The following ZNF85 variants were observed in gnomAD, a reference collection of about 807,000 sequenced individuals.
ZNF85 encodes the protein zinc finger protein 85 (HPF4, HTF1).
A neutral mutation model predicts 53.9 loss-of-function variants in ZNF85; 50 were observed. The observed-to-expected ratio is 0.93, with a 90% CI of 0.74 to 1.17. ZNF85 has a LOEUF of 1.17. Among genes scored for constraint, ZNF85 ranks in the 50% most tolerant of loss-of-function variants. The pLI is 0.00. For synonymous variants in ZNF85, 225 were observed against 226.1 expected (o/e 1.00, Z 0.04); for missense variants, 747 against 688.5 (o/e 1.08, Z -0.95).
At chr19:20,930,492 A>G (rs1176762426) in intron 1 of ZNF85, among the ~76,000 whole-genome samples, 1 of 152,252 alleles carries the variant, frequency 6.6e-6, no homozygotes, top group Non-Finnish European at 1.5e-5. Context: ...AAACAAGAAG[A>G]AATGGAAAGG....
chr19:20,950,135 G>C lies in ZNF85; in HGVS notation c.1621G>C (p.Glu541Gln), dbSNP rs529202278. The change falls in exon 4 of 4, where the codon GAA becomes CAA. Residue 541 changes from glutamate (E) to glutamine (Q), a missense_variant. By Grantham distance (29) the Glu-to-Gln change is conservative. Transcript: ENST00000328178. ...IHTGEKPYTC[E>Q]ECGKAFNQSS... ...TACTGGAGAGAAACCCTACACATGT[G>C]AAGAATGTGGCAAAGCCTTTAACCA... is the stretch of plus-strand genomic sequence containing the variant. 1 of 1,613,592 alleles carries C rather than the reference G, an allele frequency of 6.2e-7. No homozygotes were observed. The highest frequency in any genetic ancestry group is 8.5e-7 in the Non-Finnish European group (1 of 1,179,834).
At chr19:20,925,783 T>C (rs531407953) in intron 1 of ZNF85, among the ~76,000 whole-genome samples, 7 of 152,216 alleles carry the variant, frequency 4.6e-5, no homozygotes, top group Non-Finnish European at 1.0e-4. Flanking sequence ...GACACATCTC[T>C]TTTCTAATCA....
Position 20,949,529 on chromosome 19 carries a change from G to A in ZNF85, c.1015G>A (p.Glu339Lys), listed in dbSNP as rs372445769. Residue 339 changes from glutamate to lysine, a missense_variant, in exon 4 of 4, where the codon GAG becomes AAG. Physicochemically the swap from Glu to Lys is moderately conservative, Grantham distance 56. Coordinates refer to ENST00000328178, the MANE Select transcript of ZNF85 (RefSeq NM_003429.5). Reference sequence around the variant, plus strand: ...TACACATAAGATAATTCATACTGGAGAGAAACCCTACAAATGTAAAAAATG... The same window carrying A: ...TACACATAAGATAATTCATACTGGAAAGAAACCCTACAAATGTAAAAAATG... Reference protein sequence around the residue: ...LTTHKIIHTGEKPYKCKKCGK... With the variant: ...LTTHKIIHTGKKPYKCKKCGK... 3 of 1,613,308 alleles carry A rather than the reference G, an allele frequency of 1.9e-6. No individual in the cohort carries two copies.
intron 1 of ZNF85, among the ~76,000 whole-genome samples, chr19:20,933,679 T>G (rs1973081104): frequency 6.6e-6 from 1 of 152,152 alleles, no homozygotes; most frequent in Non-Finnish European, 1.5e-5. Flanking sequence ...CACAACTCAT[T>G]CTGTAGAATG....
At chr19:20,937,148 C>A in intron 3 of ZNF85, 1 of 305,962 alleles carries the variant, frequency 3.3e-6, no homozygotes, top group Non-Finnish European at 6.6e-6. Flanking sequence ...TCCCCTGCCT[C>A]AGCCTCCCAA....
In ZNF85 at chr19:20,949,426, T is replaced by C. The variant is rs770838901; in HGVS notation, c.912T>C (p.His304=). ...ACCGATCTTCAACCCTTACTACCCA[T>C]AGAAAAATTCATACTGGAGAGAAAC... The part of the protein sequence containing the change: ...AFNRSSTLTT[H]RKIHTGEKPY... Residue 304 remains histidine, a synonymous_variant, in exon 4 of 4, where the codon CAT becomes CAC. Transcript: ENST00000328178. The C allele has an allele frequency of 1.3e-5, 21 of 1,609,348 alleles. No homozygotes were observed. The East Asian group carries it at 3.8e-4, about 29-fold the overall frequency.
rs113030021 is a variant in ZNF85, at chr19:20,944,779, TG to T, written c.230-3964del. 4.2e-3 allele frequency among the ~76,000 whole-genome samples: 632 copies of T among 152,154 alleles called. 4 individuals are homozygous for T. The highest frequency in any genetic ancestry group is 0.014 in the African/African-American group (593 of 41,558). ...GGTATTCCAGCTCACATTAGTTAAT[TG>T]TGTTTGGATGTTTTAGTTTATATTA... On this transcript the variant is annotated intron_variant, in intron 3 of 3. Coordinates refer to ENST00000328178, the MANE Select transcript of ZNF85 (RefSeq NM_003429.5).
intron 1 of ZNF85, chr19:20,927,887 A>G (rs1229408908): frequency 1.4e-5 from 2 of 143,806 alleles, no homozygotes; most frequent in Non-Finnish European, 1.5e-5. Context: ...TCTGAGGGGG[A>G]AAAAAAGTGT....
chr19:20,923,541 C>G (rs1034233185), intron 1 of ZNF85, 138 bp downstream of exon 1: 25 of 1,416,222 alleles, frequency 1.8e-5, no homozygotes, highest in Non-Finnish European at 2.4e-5. Flanking sequence ...AGCTCGGCCC[C>G]AGTTCCTCCA....
At position 20,950,041 on chromosome 19, in the gene ZNF85, A is replaced by T. The variant is rs769603444; in HGVS notation, c.1527A>T (p.Pro509=). Residue 509 remains proline (P), a synonymous_variant, in exon 4 of 4, where the codon CCA becomes CCT. Transcript: ENST00000328178. ...AGATAATTCATACTGGAGAGAAACC[A>T]TACAAATGTGAAGAATGTGGCAAAG... is the stretch of plus-strand genomic sequence containing the variant. ...IHKIIHTGEK[P]YKCEECGKAF... is the part of the protein sequence containing the mutation. 11 of 1,611,458 alleles carry T rather than the reference A, an allele frequency of 6.8e-6. No individual in the cohort carries two copies. Among genetic ancestry groups the T allele is most frequent in the Non-Finnish European group, 9.3e-6 (11 of 1,179,330 alleles).
chr19:20,945,697 C>G (rs1973402824), intron 3 of ZNF85: 2 of 152,230 alleles, frequency 1.3e-5, no homozygotes, highest in South Asian at 4.1e-4. Flanking sequence ...GTTGGACACG[C>G]TGGTCTCGAA....
intron 1 of ZNF85, among the ~76,000 whole-genome samples, chr19:20,929,837 T>A (rs73005114): frequency 0.1 from 15,548 of 152,170 alleles, 884 homozygotes; most frequent in Non-Finnish European, 0.13. Flanking sequence ...ATCAAAGTTT[T>A]GGGCCAGGCG....
In ZNF85 at chr19:20,948,840, A is replaced by G. The variant is rs1199614425; in HGVS notation, c.326A>G (p.His109Arg). Reference sequence around the variant, plus strand: ...CTGAAAAGATATGGAAAATGTAGACATGAAAATTTACCATTAAGAAAAGGC... The same window carrying G: ...CTGAAAAGATATGGAAAATGTAGACGTGAAAATTTACCATTAAGAAAAGGC... Reference protein sequence around the residue: ...VTLKRYGKCRHENLPLRKGCE... With the variant: ...VTLKRYGKCRRENLPLRKGCE... Residue 109 changes from histidine (H) to arginine (R), a missense_variant, in exon 4 of 4, where the codon CAT (histidine) becomes CGT (arginine). His to Arg is a conservative substitution (Grantham distance 29, BLOSUM62 0). Coordinates refer to ENST00000328178, the MANE Select transcript of ZNF85 (RefSeq NM_003429.5). 6 of 1,613,204 alleles carry G rather than the reference A, an allele frequency of 3.7e-6. No individual in the cohort carries two copies. In the South Asian group the frequency reaches 5.5e-5, roughly 15 times the overall value.
Position 20,950,299 on chromosome 19 carries a change from A to G in ZNF85, c.1785A>G (p.Ile595Met), listed in dbSNP as rs145040164. ...KIIHTGEKLQI is the reference protein window; with the variant it reads ...KIIHTGEKLQM Reference sequence around the variant, plus strand: ...TTCATACCGGAGAAAAATTACAAATATGAAAATTATGGCAAAGCTTTAATC... The same window carrying G: ...TTCATACCGGAGAAAAATTACAAATGTGAAAATTATGGCAAAGCTTTAATC... The change falls in exon 4 of 4, where the codon ATA becomes ATG. Residue 595 changes from isoleucine to methionine, a missense_variant. Transcript: ENST00000328178. The G allele has an allele frequency of 6.6e-7, 1 of 1,516,540 alleles. No homozygotes were observed. The highest frequency in any genetic ancestry group is 8.8e-7 in the Non-Finnish European group (1 of 1,134,816). 93.9% of individuals were successfully genotyped at this position (1,516,540 alleles called of 1,614,324 possible).
At chr19:20,929,676 CAG>C (rs542298678) in intron 1 of ZNF85, among the ~76,000 whole-genome samples, 10 of 152,138 alleles carry the variant, frequency 6.6e-5, no homozygotes, top group Admixed American at 5.9e-4. Context: ...TTAGGAAAAA[CAG>C]AACTGGAAAT....
At chr19:20,937,372 T>C (rs1381670348) in intron 3 of ZNF85, 1 of 456,148 alleles carries the variant, frequency 2.2e-6, no homozygotes, top group African/African-American at 2.0e-5. Flanking sequence ...GTAAAGATCT[T>C]CTGTTGGGCC....
At position 20,948,777 on chromosome 19, in the gene ZNF85, C is replaced by G. The variant is rs138974406; in HGVS notation, c.263C>G (p.Pro88Arg). The G allele has an allele frequency of 6.9e-6, 11 of 1,587,826 alleles. No individual in the cohort carries two copies. The South Asian group carries it at 1.2e-4, about 17-fold the overall frequency. ...TCTCATTTTGCCCAAGACCTTTGGC[C>G]GGAGCAGAATATAAAAGATTCTTTC... ...MCSHFAQDLW[P>R]EQNIKDSFQK... The change falls in exon 4 of 4, where the codon CCG becomes CGG. Residue 88 changes from proline (P) to arginine (R), a missense_variant. Physicochemically the swap from Pro to Arg is moderately radical, Grantham distance 103. Coordinates refer to ENST00000328178, the MANE Select transcript of ZNF85 (RefSeq NM_003429.5).
In ZNF85 at chr19:20,949,986, T is replaced by G; in HGVS notation, c.1472T>G (p.Phe491Cys). The G allele has an allele frequency of 6.2e-7, 1 of 1,612,988 alleles. No individual in the cohort carries two copies. Among genetic ancestry groups the G allele is most frequent in the Non-Finnish European group, 8.5e-7 (1 of 1,179,634 alleles). The change falls in exon 4 of 4, where the codon TTT (phenylalanine) becomes TGT (cysteine). Residue 491 changes from phenylalanine (F) to cysteine (C), a missense_variant. Coordinates refer to ENST00000328178, the MANE Select transcript of ZNF85 (RefSeq NM_003429.5). ...AAATGTGAAGAATGTGGCAAAGGTT[T>G]TAAATGGCCCTCAACCCTTACTATC... ...PYKCEECGKG[F>C]KWPSTLTIHK...
intron 1 of ZNF85, among the ~76,000 whole-genome samples, chr19:20,932,307 T>G (rs1389902818): frequency 1.3e-5 from 2 of 152,222 alleles, no homozygotes; most frequent in Non-Finnish European, 2.9e-5. Flanking sequence ...AAATCATTAC[T>G]TCTCTATTGT....
Sources: gnomAD v4.1 joint callset for allele counts (sites outside exome capture counted in the v4.1 genomes callset) on GRCh38, gnomAD v4.1.1 for gene constraint, MANE v1.5 for transcripts, NCBI Gene and HGNC (gene_info 2026-07-23, HGNC 2026-07-21) for gene names.